Variants in PRKN observed in about 807,000 individuals in gnomAD.
The protein encoded by PRKN is E3 ubiquitin-protein ligase parkin.
Under a neutral mutation model 59.5 loss-of-function variants are expected in PRKN, and 56 were observed. The ratio of observed to expected loss-of-function variants is 0.94; its 90% CI spans 0.76 to 1.18. PRKN has a LOEUF of 1.18. Ranked by LOEUF, PRKN falls within the 50% of genes most tolerant of loss-of-function variation. The pLI is 0.00. For missense variants in PRKN, 657 were observed against 596.4 expected, an observed-to-expected ratio of 1.10 and a Z score of -1.06; for synonymous variants, 250 against 222.1, an observed-to-expected ratio of 1.13 and a Z score of -1.12.
At chr6:161,834,018 C>A (rs928572922) in intron 6 of PRKN, among the ~76,000 whole-genome samples, 1 of 152,104 alleles carries the variant, frequency 6.6e-6, no homozygotes, top group Non-Finnish European at 1.5e-5. Flanking sequence ...TTTAATTGAT[C>A]AAACACTAAA....
At chr6:161,759,835 T>C (rs9458356) in intron 7 of PRKN, among the ~76,000 whole-genome samples, 48,135 of 151,924 alleles carry the variant, frequency 0.32, 7,794 homozygotes, top group South Asian at 0.44. Flanking sequence ...TTTAGAAATA[T>C]GTACACCTGA....
intron 1 of PRKN, among the ~76,000 whole-genome samples, chr6:162,530,554 A>G (rs1778468535): frequency 6.6e-6 from 1 of 152,202 alleles, no homozygotes; most frequent in Non-Finnish European, 1.5e-5. Flanking sequence ...CCTCGTCTGC[A>G]GAATGAAGAA....
intron 3 of PRKN, among the ~76,000 whole-genome samples, chr6:162,258,441 C>G (rs1343397791): frequency 4.6e-5 from 7 of 152,198 alleles, no homozygotes; most frequent in Non-Finnish European, 2.9e-5. Context: ...AATGGCGCCT[C>G]ATTTAGGAAA....
chr6:161,914,193 C>A (rs559087167), intron 6 of PRKN, among the ~76,000 whole-genome samples: 93 of 152,168 alleles, frequency 6.1e-4, no homozygotes, highest in African/African-American at 2.2e-3. Context: ...AGCTATACAA[C>A]GTAACACTGT....
chr6:162,616,139 G>C (rs930907255), intron 1 of PRKN, among the ~76,000 whole-genome samples: 2 of 152,004 alleles, frequency 1.3e-5, no homozygotes, highest in Non-Finnish European at 2.9e-5. Context: ...GACAGAATAG[G>C]GTTTCCCTCT....
intron 2 of PRKN, among the ~76,000 whole-genome samples, chr6:162,350,185 CACT>C (rs1437003456): frequency 2.6e-5 from 4 of 151,834 alleles, no homozygotes; most frequent in Admixed American, 6.6e-5. Flanking sequence ...AACAAAACAC[CACT>C]GAGAGGAAAT....
chr6:162,414,726 A>AAAAAAAAAAAAAAAAAAAAT lies in PRKN; in HGVS notation c.171+28583_171+28584insATTTTTTTTTTTTTTTTTTT, dbSNP rs34838356. 1.5e-4 allele frequency among the ~76,000 whole-genome samples: 14 copies of AAAAAAAAAAAAAAAAAAAAT among 91,870 alleles called. 1 individual carries two copies. The highest frequency in any genetic ancestry group is 3.6e-4 in the Admixed American group (3 of 8,446). 60.3% of individuals were successfully genotyped at this position (91,870 alleles called of 152,430 possible). A position where few individuals can be genotyped will look rare whatever the true frequency, so the allele number is the denominator to read the frequency against. ...ACTCCGTCTCAAAAAAAAAAAAAAAAAGTGAATCTTTGAAGTTTTAAAATA... is the reference window on the plus strand; with the variant it reads ...ACTCCGTCTCAAAAAAAAAAAAAAAAAAAAAAAAAAAAAAAAAAATAGTGAATCTTTGAAGTTTTAAAATA... On this transcript the variant is annotated intron_variant, in intron 2 of 11. Transcript: ENST00000366898.
chr6:162,139,674 G>A (rs139338213), intron 4 of PRKN, among the ~76,000 whole-genome samples: 3 of 152,176 alleles, frequency 2.0e-5, no homozygotes, highest in Non-Finnish European at 2.9e-5. Flanking sequence ...CACACTGAGA[G>A]ATTAGGTTTC....
intron 4 of PRKN, among the ~76,000 whole-genome samples, chr6:162,123,822 T>A (rs1562527080): frequency 6.6e-6 from 1 of 152,224 alleles, no homozygotes. Context: ...CTATTGTTTC[T>A]AACATCAAAA....
chr6:161,868,486 C>A (rs559531441), intron 6 of PRKN, among the ~76,000 whole-genome samples: 1 of 152,192 alleles, frequency 6.6e-6, no homozygotes, highest in East Asian at 1.9e-4. Flanking sequence ...GAGGCTGAGG[C>A]AGGAGAATCA....
At chr6:161,437,232 G>C (rs1381356066) in intron 9 of PRKN, among the ~76,000 whole-genome samples, 1 of 152,092 alleles carries the variant, frequency 6.6e-6, no homozygotes, top group African/African-American at 2.4e-5. Flanking sequence ...ATATCTCATT[G>C]TCCTGCGCTC....
rs1471837820 is a variant in PRKN at position 161,578,320 on chromosome 6, C to G, written c.872-8904G>C. Among the ~76,000 whole-genome samples the G allele has an allele frequency of 1.3e-5, 2 of 152,084 alleles. No individual in the cohort carries two copies. Among genetic ancestry groups the G allele is most frequent in the Non-Finnish European group, 2.9e-5 (2 of 68,036 alleles). On this transcript the variant is annotated intron_variant, in intron 7 of 11. Transcript: ENST00000366898. The surrounding 1 kb of genome is among the most constrained non-coding windows in gnomAD (Gnocchi z 4.2). ...TTATTTGTTCCAGAAGAATTCTGCC[C>G]TGGAAGATAAGCTTGTAAAGCAATA... is the stretch of plus-strand genomic sequence containing the variant.
In PRKN at chr6:161,699,009, C is replaced by T. The variant is rs542185218; in HGVS notation, c.871+86763G>A. 3.9e-4 allele frequency among the ~76,000 whole-genome samples: 60 copies of T among 152,168 alleles called. 2 individuals are homozygous for T. The highest frequency in any genetic ancestry group is 3.4e-3 in the Middle Eastern group (1 of 294). On this transcript the variant is annotated intron_variant, in intron 7 of 11. Coordinates refer to ENST00000366898, the MANE Select transcript of PRKN (RefSeq NM_004562.3). The stretch of plus-strand genomic sequence containing the variant: ...CATGTATCTGATAAAGGACATGTAA[C>T]TAGAGTATAGAAATCACTCTAAAAA...
At chr6:162,393,544 A>G (rs954373287) in intron 2 of PRKN, among the ~76,000 whole-genome samples, 11 of 152,172 alleles carry the variant, frequency 7.2e-5, no homozygotes, top group Non-Finnish European at 1.0e-4. Flanking sequence ...ACAAGTCAAT[A>G]GAGATCAACT....
At chr6:162,669,359 G>A (rs1779232439) in intron 1 of PRKN, among the ~76,000 whole-genome samples, 5 of 152,030 alleles carry the variant, frequency 3.3e-5, no homozygotes, top group South Asian at 4.1e-4. Context: ...CTTGAGTCAC[G>A]ATTGCCCCCA....
intron 1 of PRKN, among the ~76,000 whole-genome samples, chr6:162,657,749 C>G (rs1488740301): frequency 1.3e-5 from 2 of 152,112 alleles, no homozygotes; most frequent in Non-Finnish European, 2.9e-5. Flanking sequence ...GATGTGAACA[C>G]CCCTGTCATG....
At chr6:162,437,675 T>C (rs987791294) in intron 2 of PRKN, among the ~76,000 whole-genome samples, 1 of 152,186 alleles carries the variant, frequency 6.6e-6, no homozygotes, top group South Asian at 2.1e-4. Context: ...AATAAAATTA[T>C]TCAGTGTACG....
At chr6:162,144,508 T>C (rs1781926371) in intron 4 of PRKN, among the ~76,000 whole-genome samples, 1 of 152,160 alleles carries the variant, frequency 6.6e-6, no homozygotes, top group African/African-American at 2.4e-5. Context: ...GATCAGCTGG[T>C]GTAGGTTTAT....
intron 7 of PRKN, among the ~76,000 whole-genome samples, chr6:161,782,955 T>C (rs1422650606): frequency 1.3e-5 from 2 of 152,118 alleles, no homozygotes; most frequent in Non-Finnish European, 2.9e-5. Context: ...CATATTCAAT[T>C]GATGACATAA....
Sources: allele counts gnomAD v4.1 joint callset (sites outside exome capture counted in the v4.1 genomes callset), GRCh38; gene constraint gnomAD v4.1.1; non-coding constraint Gnocchi (gnomAD v3.1); transcripts MANE v1.5; gene names NCBI Gene and HGNC (gene_info 2026-07-23, HGNC 2026-07-21).